ANTXR1: variants seen among roughly 807,000 people sequenced by gnomAD.
ANTXR1 encodes anthrax toxin receptor 1.
ANTXR1 carries 19 observed loss-of-function variants against 78.1 expected under a neutral mutation model. The observed-to-expected ratio is 0.24, with a 90% CI of 0.17 to 0.36. ANTXR1 has a LOEUF of 0.36. Ranked by LOEUF, ANTXR1 falls within the 10% of genes least tolerant of loss-of-function variation. ANTXR1 has a pLI of 1.00. For missense variants in ANTXR1, 518 were observed against 718.6 expected, an observed-to-expected ratio of 0.72 and a Z score of 3.19; for synonymous variants, 273 against 260.5, an observed-to-expected ratio of 1.05 and a Z score of -0.46.
chr2:69,174,726 T>C (rs1674076139), intron 14 of ANTXR1, among the ~76,000 whole-genome samples: 1 of 152,234 alleles, frequency 6.6e-6, no homozygotes, highest in Admixed American at 6.5e-5. Flanking sequence ...CTGGTGGATA[T>C]TGCATGTGAA....
At chr2:69,155,322 A>G (rs1026067447) in intron 13 of ANTXR1, among the ~76,000 whole-genome samples, 3 of 152,268 alleles carry the variant, frequency 2.0e-5, no homozygotes, top group South Asian at 2.1e-4. Context: ...ATACCTATTC[A>G]TTGGCACAAA....
intron 17 of ANTXR1, among the ~76,000 whole-genome samples, chr2:69,243,277 C>T (rs541216004): frequency 2.6e-5 from 4 of 152,232 alleles, no homozygotes; most frequent in Non-Finnish European, 5.9e-5. Flanking sequence ...ATGCAGAACA[C>T]CCTGTGAGGC....
At chr2:69,022,824 C>T (rs1671233750) in intron 1 of ANTXR1, among the ~76,000 whole-genome samples, 1 of 152,294 alleles carries the variant, frequency 6.6e-6, no homozygotes, top group African/African-American at 2.4e-5. Flanking sequence ...GGGCTATAGG[C>T]AGAGCTCTTA....
At chr2:69,016,856 T>G (rs1671042034) in intron 1 of ANTXR1, among the ~76,000 whole-genome samples, 1 of 152,234 alleles carries the variant, frequency 6.6e-6, no homozygotes, top group South Asian at 2.1e-4. Flanking sequence ...CTAAACAGTG[T>G]GCTCACTTCC....
chr2:69,023,339 ATAG>A (rs1028524936), intron 1 of ANTXR1, among the ~76,000 whole-genome samples: 5 of 151,812 alleles, frequency 3.3e-5, no homozygotes, highest in Non-Finnish European at 5.9e-5. Flanking sequence ...GGTGACAGTG[ATAG>A]TGGTGATTAT....
rs1017152904 is a variant in ANTXR1, at chr2:69,248,835, T to A, written c.*3350T>A. On this transcript the variant is annotated 3_prime_UTR_variant, in exon 18 of 18. Transcript: ENST00000303714. ...TTAGTTTGCAAACTATATAAAGACA[T>A]ATGCAGTAAAAAGTCTGTTAATGCA... 1 of 152,206 alleles carries A rather than the reference T, an allele frequency of 6.6e-6. No homozygotes were observed. Among genetic ancestry groups the A allele is most frequent in the African/African-American group, 2.4e-5 (1 of 41,460 alleles). 9.4% of individuals were successfully genotyped at this position (152,206 alleles called of 1,614,324 possible).
chr2:69,228,020 C>T (rs1675500424), intron 17 of ANTXR1, among the ~76,000 whole-genome samples: 1 of 152,172 alleles, frequency 6.6e-6, no homozygotes, highest in African/African-American at 2.4e-5. Flanking sequence ...AGTGAAAATG[C>T]ATATGAGAGA....
chr2:69,081,392 C>T (rs1223135341), intron 8 of ANTXR1, among the ~76,000 whole-genome samples: 1 of 152,198 alleles, frequency 6.6e-6, no homozygotes, highest in Non-Finnish European at 1.5e-5. Context: ...ATCTGATGCT[C>T]ATGTTTTGAT....
At chr2:69,065,616 T>C (rs1453471278) in intron 3 of ANTXR1, among the ~76,000 whole-genome samples, 1 of 152,172 alleles carries the variant, frequency 6.6e-6, no homozygotes, top group African/African-American at 2.4e-5. Context: ...TGTTACTGTG[T>C]ATAAATTGTA....
At chr2:69,212,958 C>T (rs1393277782) in intron 17 of ANTXR1, among the ~76,000 whole-genome samples, 1 of 145,738 alleles carries the variant, frequency 6.9e-6, no homozygotes, top group East Asian at 2.0e-4. Context: ...ATGTGCACAT[C>T]ACCTTTTTTT....
intron 17 of ANTXR1, among the ~76,000 whole-genome samples, chr2:69,196,640 A>C (rs946073519): frequency 9.8e-5 from 15 of 152,336 alleles, no homozygotes; most frequent in African/African-American, 3.6e-4. Context: ...AGAATTCTTC[A>C]GCACTGATTT....
chr2:69,095,117 G>A (rs891108823), intron 9 of ANTXR1, among the ~76,000 whole-genome samples: 3 of 152,184 alleles, frequency 2.0e-5, no homozygotes, highest in African/African-American at 4.8e-5. Flanking sequence ...GTCCATAGGC[G>A]AAGAGGTAAT....
intron 6 of ANTXR1, among the ~76,000 whole-genome samples, chr2:69,075,042 T>A (rs1670687054): frequency 8.6e-6 from 1 of 116,384 alleles, no homozygotes; most frequent in African/African-American, 4.0e-5. Context: ...ATTAAACCAC[T>A]TTATTCTGTA....
chr2:69,123,126 G>T, intron 11 of ANTXR1, 40 bp downstream of exon 11: 1 of 1,593,820 alleles, frequency 6.3e-7, no homozygotes, highest in Middle Eastern at 1.7e-4. Context: ...AGCCAGGGAA[G>T]AGAGAGAGGA....
intron 13 of ANTXR1, among the ~76,000 whole-genome samples, chr2:69,157,227 C>A (rs1409466028): frequency 1.3e-5 from 2 of 152,058 alleles, no homozygotes; most frequent in Non-Finnish European, 2.9e-5. Context: ...TCTTCTCCTA[C>A]GTCTCTGTGC....
chr2:69,209,041 T>G (rs1193438218), intron 17 of ANTXR1, among the ~76,000 whole-genome samples: 1 of 148,398 alleles, frequency 6.7e-6, no homozygotes, highest in African/African-American at 2.4e-5. Context: ...TAGCTGAGAT[T>G]ACAGGTGCCT....
intron 17 of ANTXR1, among the ~76,000 whole-genome samples, chr2:69,236,125 G>A (rs965272775): frequency 6.6e-6 from 1 of 152,076 alleles, no homozygotes; most frequent in African/African-American, 2.4e-5. Context: ...AATTCAAGAT[G>A]AGATTTGGGT....
intron 14 of ANTXR1, among the ~76,000 whole-genome samples, chr2:69,179,274 C>G (rs576630283): frequency 6.6e-6 from 1 of 152,056 alleles, no homozygotes; most frequent in Non-Finnish European, 1.5e-5. Context: ...AGTCCATGTG[C>G]GGTGGCTCAC....
chr2:69,226,938 G>A (rs565736040), intron 17 of ANTXR1, among the ~76,000 whole-genome samples: 17 of 152,192 alleles, frequency 1.1e-4, no homozygotes, highest in African/African-American at 4.1e-4. Flanking sequence ...AGCCCAGCCT[G>A]GGGAGAAGTA....
Sources: gnomAD v4.1 joint callset for allele counts (sites outside exome capture counted in the v4.1 genomes callset) on GRCh38, gnomAD v4.1.1 for gene constraint, MANE v1.5 for transcripts, NCBI Gene and HGNC (gene_info 2026-07-23, HGNC 2026-07-21) for gene names.